The following SLAMF7 variants were observed in gnomAD, a reference collection of about 807,000 sequenced individuals.
SLAMF7 encodes SLAM family member 7.
SLAMF7 carries 26 observed loss-of-function variants against 34.1 expected under a neutral mutation model. The observed-to-expected ratio is 0.76, with a 90% CI of 0.56 to 1.06. The LOEUF is 1.06. Among genes scored for constraint, SLAMF7 ranks in the 50% least tolerant of loss-of-function variants. The pLI, the probability that SLAMF7 is intolerant of heterozygous loss-of-function variation, is 0.00. For synonymous variants in SLAMF7, 171 were observed against 156.4 expected (o/e 1.09, Z -0.70); for missense variants, 399 against 402.5 (o/e 0.99, Z 0.07).
At chr1:160,746,915 C>A (rs1452211231) in intron 1 of SLAMF7, among the ~76,000 whole-genome samples, 1 of 152,074 alleles carries the variant, frequency 6.6e-6, no homozygotes, top group Admixed American at 6.5e-5. Flanking sequence ...TCTTAAATCT[C>A]CACCCATGGG....
chr1:160,740,454 G>A (rs957922974), intron 1 of SLAMF7, among the ~76,000 whole-genome samples: 62 of 152,180 alleles, frequency 4.1e-4, no homozygotes, highest in African/African-American at 1.4e-3. Context: ...TGCCATGCAG[G>A]TCCCCCTCTG....
At chr1:160,752,577 G>A (rs763464150) in intron 6 of SLAMF7, among the ~76,000 whole-genome samples, 8 of 152,206 alleles carry the variant, frequency 5.3e-5, no homozygotes, top group Non-Finnish European at 1.0e-4. Flanking sequence ...AATGAAGAGA[G>A]GAATAGCTGA....
At chr1:160,739,214 C>A, upstream of SLAMF7, 2 of 1,209,768 alleles carry the variant, frequency 1.7e-6, no homozygotes, top group Non-Finnish European at 2.5e-6. Context: ...ACCCCTCCTG[C>A]TTCTTTAAAT....
rs1028665008 is a variant in SLAMF7 at position 160,753,339 on chromosome 1, A to G, written c.*162A>G. 8 of 640,692 alleles carry G rather than the reference A, an allele frequency of 1.2e-5. No individual in the cohort carries two copies. The highest frequency in any genetic ancestry group is 2.8e-5 in the Admixed American group (1 of 35,350). 39.7% of individuals were successfully genotyped at this position (640,692 alleles called of 1,614,324 possible). ...TTATCTCTGATGCTTCTTTAGATTT[A>G]AGAGTTCATAATTCCATCCACTGCT... On this transcript the variant is annotated 3_prime_UTR_variant, in exon 7 of 7. Transcript: ENST00000368043.
At chr1:160,749,217 C>T (rs1482082467) in intron 2 of SLAMF7, among the ~76,000 whole-genome samples, 1 of 152,178 alleles carries the variant, frequency 6.6e-6, no homozygotes, top group Non-Finnish European at 1.5e-5. Flanking sequence ...ATGTATTCTG[C>T]AGGCTAACTA....
intron 1 of SLAMF7, among the ~76,000 whole-genome samples, chr1:160,744,969 G>A (rs1664017979): frequency 6.6e-6 from 1 of 152,210 alleles, no homozygotes; most frequent in African/African-American, 2.4e-5. Context: ...TATTAAGGAA[G>A]CATAGAGAAC....
At chr1:160,742,282 C>A in intron 1 of SLAMF7, among the ~76,000 whole-genome samples, 1 of 152,174 alleles carries the variant, frequency 6.6e-6, no homozygotes, top group East Asian at 1.9e-4. Context: ...GATGCAAAGA[C>A]ATCTGAGTCT....
chr1:160,752,124 CT>C, intron 5 of SLAMF7, 61 bp from the exon 6 acceptor site: 3 of 1,354,492 alleles, frequency 2.2e-6, no homozygotes, highest in Non-Finnish European at 3.2e-6. Flanking sequence ...TCTCTCTGGC[CT>C]TGTCTATGTG....
chr1:160,752,736 C>T (rs1664737835), intron 6 of SLAMF7, among the ~76,000 whole-genome samples: 1 of 152,210 alleles, frequency 6.6e-6, no homozygotes, highest in Admixed American at 6.5e-5. Context: ...CTTATTCCTT[C>T]ACAGAGTACG....
Position 160,748,267 on chromosome 1 carries a change from C to T in SLAMF7, c.129C>T (p.Ser43=). Reference sequence around the variant, plus strand: ...GGGCCGTGACTTTCCCCCTGAAGTCCAAAGTAAAGCAAGTTGACTCTATTG... The same window carrying T: ...GGGCCGTGACTTTCCCCCTGAAGTCTAAAGTAAAGCAAGTTGACTCTATTG... ...VGGAVTFPLK[S]KVKQVDSIVW... The change falls in exon 2 of 7, where the codon TCC becomes TCT. Residue 43 remains serine, a synonymous_variant. Transcript: ENST00000368043. 6.2e-7 allele frequency: 1 copy of T among 1,614,014 alleles called. No individual in the cohort carries two copies. The highest frequency in any genetic ancestry group is 1.1e-5 in the South Asian group (1 of 91,074).
chr1:160,741,810 T>A (rs1334890088), intron 1 of SLAMF7, among the ~76,000 whole-genome samples: 1 of 152,180 alleles, frequency 6.6e-6, no homozygotes, highest in Non-Finnish European at 1.5e-5. Context: ...TGGCTCCTAA[T>A]CCTGGCCTTC....
intron 5 of SLAMF7, 30 bp downstream of exon 5, chr1:160,751,478 T>C: frequency 6.5e-7 from 1 of 1,538,394 alleles, no homozygotes; most frequent in Non-Finnish European, 9.0e-7. Context: ...TCCTGAGAAC[T>C]GATCCTGTCT....
intron 1 of SLAMF7, among the ~76,000 whole-genome samples, chr1:160,741,088 C>T (rs1184263926): frequency 2.0e-5 from 3 of 152,078 alleles, no homozygotes; most frequent in Admixed American, 6.5e-5. Context: ...TGGAAAGGCC[C>T]GAGAAGAACG....
At position 160,754,149 on chromosome 1, in the gene SLAMF7, A is replaced by T. The variant is rs1263178792; in HGVS notation, c.*972A>T. 1 of 152,218 alleles carries T rather than the reference A, an allele frequency of 6.6e-6. No individual in the cohort carries two copies. The highest frequency in any genetic ancestry group is 2.4e-5 in the African/African-American group (1 of 41,408). 9.4% of individuals were successfully genotyped at this position (152,218 alleles called of 1,614,324 possible). ...TAAAGATGGTTAATTCATTCAATAG[A>T]TATTTATTAAGAACCTATGCGGCCC... On this transcript the variant is annotated 3_prime_UTR_variant, in exon 7 of 7. Coordinates refer to ENST00000368043, the MANE Select transcript of SLAMF7 (RefSeq NM_021181.5).
intron 1 of SLAMF7, among the ~76,000 whole-genome samples, chr1:160,745,597 G>T (rs1664061993): frequency 6.6e-6 from 1 of 152,142 alleles, no homozygotes; most frequent in South Asian, 2.1e-4. Context: ...AAGGGCCAGA[G>T]AATAAATATT....
intron 1 of SLAMF7, among the ~76,000 whole-genome samples, chr1:160,742,355 G>T (rs948635093): frequency 1.9e-4 from 29 of 152,190 alleles, no homozygotes; most frequent in African/African-American, 7.0e-4. Context: ...AGGCAGGCGG[G>T]GGATGTAGTG....
At position 160,742,460 on chromosome 1, in the gene SLAMF7, T is replaced by G. The variant is rs149141549; in HGVS notation, c.55+3104T>G. Among the ~76,000 whole-genome samples, 16 of 152,314 alleles carry G rather than the reference T, an allele frequency of 1.1e-4. No individual in the cohort carries two copies. In the East Asian group the frequency reaches 2.9e-3, roughly 28 times the overall value. On this transcript the variant is annotated intron_variant, in intron 1 of 6. Transcript: ENST00000368043. ...TATCTCTGTTTCTCATTTTTAGCTATCTGTGCAGAAATAAAACCAAAAGAT... is the reference window on the plus strand; with the variant it reads ...TATCTCTGTTTCTCATTTTTAGCTAGCTGTGCAGAAATAAAACCAAAAGAT...
In SLAMF7 at chr1:160,748,213, C is replaced by T. The variant is rs549034563; in HGVS notation, c.75C>T (p.Pro25=). 2.0e-5 allele frequency: 32 copies of T among 1,613,888 alleles called. No homozygotes were observed. The highest frequency in any genetic ancestry group is 8.3e-5 in the Admixed American group (5 of 60,012). Residue 25 remains proline (P), a synonymous_variant, in exon 2 of 7, where the codon CCC becomes CCT. Coordinates refer to ENST00000368043, the MANE Select transcript of SLAMF7 (RefSeq NM_021181.5). ...TTATAGGGTCAGCAGCCTCTGGACCCGTGAAAGAGCTGGTCGGTTCCGTTG... is the reference window on the plus strand; with the variant it reads ...TTATAGGGTCAGCAGCCTCTGGACCTGTGAAAGAGCTGGTCGGTTCCGTTG... ...WQLTGSAASG[P]VKELVGSVGG... is the part of the protein sequence containing the mutation.
chr1:160,739,097 G>C, upstream of SLAMF7: 1 of 610,866 alleles, frequency 1.6e-6, no homozygotes, highest in South Asian at 1.8e-5. Context: ...TGCTGATGAA[G>C]ATGGGGAGCA....
Sources: allele counts gnomAD v4.1 joint callset (sites outside exome capture counted in the v4.1 genomes callset), GRCh38; gene constraint gnomAD v4.1.1; transcripts MANE v1.5; gene names NCBI Gene and HGNC (gene_info 2026-07-23, HGNC 2026-07-21).